The following ROBO1 variants were observed in gnomAD, a reference collection of about 807,000 sequenced individuals.
ROBO1 encodes the protein roundabout homolog 1.
ROBO1 carries 149 observed loss-of-function variants against 195.9 expected under a neutral mutation model. The observed-to-expected ratio is 0.76, with a 90% confidence interval of 0.67 to 0.87. The LOEUF (loss-of-function observed/expected upper bound fraction) is 0.87. ROBO1 is among the 40% of genes least tolerant of loss of function. The pLI, the probability that ROBO1 is intolerant of heterozygous loss-of-function variation, is 0.00. For synonymous variants in ROBO1, 816 were observed against 733.2 expected, an observed-to-expected ratio of 1.11 and a Z score of -1.82; for missense variants, 1,933 against 2,068.3, an observed-to-expected ratio of 0.93 and a Z score of 1.27.
chr3:78,725,006 G>A (rs2082129821), intron 5 of ROBO1, among the ~76,000 whole-genome samples: 1 of 152,124 alleles, frequency 6.6e-6, no homozygotes, highest in Admixed American at 6.6e-5. Flanking sequence ...TGAACTGCTG[G>A]AGCACTATTC....
intron 25 of ROBO1, 141 bp from the exon 26 acceptor site, chr3:78,627,710 T>A (rs1349034418): frequency 2.1e-6 from 2 of 933,634 alleles, no homozygotes; most frequent in Non-Finnish European, 3.1e-6. Flanking sequence ...TTGAAAAAGG[T>A]TTTACCTCAC....
chr3:79,421,685 A>G (rs1242356105), intron 2 of ROBO1, among the ~76,000 whole-genome samples: 2 of 152,164 alleles, frequency 1.3e-5, no homozygotes, highest in African/African-American at 4.8e-5. Flanking sequence ...AAATGAGGGT[A>G]ACAATACTAT....
rs574223813 is a variant in ROBO1, at chr3:78,741,345, C to G, written c.657+5398G>C. ...AGAAACTGTGCTAATTTATAACAAA[C>G]TTACTTTTTTGCTGAGATAAAAATA... is the stretch of plus-strand genomic sequence containing the variant. On this transcript the variant is annotated intron_variant, in intron 5 of 30. Transcript: ENST00000464233. Among the ~76,000 whole-genome samples the G allele has an allele frequency of 5.9e-5, 9 of 152,212 alleles. No homozygotes were observed. In the South Asian group the frequency reaches 1.9e-3, roughly 32 times the overall value.
chr3:79,498,447 C>T (rs1939867941), intron 2 of ROBO1, among the ~76,000 whole-genome samples: 1 of 152,156 alleles, frequency 6.6e-6, no homozygotes, highest in South Asian at 2.1e-4. Flanking sequence ...TTTTACAATA[C>T]CTAATTTAAG....
chr3:79,296,843 C>T (rs2032621790), intron 2 of ROBO1, among the ~76,000 whole-genome samples: 1 of 152,150 alleles, frequency 6.6e-6, no homozygotes, highest in African/African-American at 2.4e-5. Flanking sequence ...TGTTATTCCC[C>T]ATCTTTTGTA....
chr3:78,724,513 TAAAAAAAA>T (rs138643700), intron 5 of ROBO1, among the ~76,000 whole-genome samples: 1 of 89,650 alleles, frequency 1.1e-5, no homozygotes, highest in Admixed American at 1.2e-4. Flanking sequence ...CCATCTCTAC[TAAAAAAAA>T]AAAAAAAAAA....
rs184642064 is a variant in ROBO1, at chr3:79,717,078, C to A, written c.-51+50674G>T. On this transcript the variant is annotated intron_variant, in intron 1 of 30. Coordinates refer to ENST00000464233, the MANE Select transcript of ROBO1 (RefSeq NM_002941.4). ...ACTAATAACAAAGCAGAAAAGAAAG[C>A]AAGTTATGGATTTTGATTCCTCTTA... is the stretch of plus-strand genomic sequence containing the variant. Among the ~76,000 whole-genome samples, 664 of 151,984 alleles carry A rather than the reference C, an allele frequency of 4.4e-3. 8 individuals are homozygous for A. The highest frequency in any genetic ancestry group is 0.015 in the African/African-American group (637 of 41,524).
intron 2 of ROBO1, among the ~76,000 whole-genome samples, chr3:79,325,289 A>C (rs1042081471): frequency 2.6e-5 from 4 of 152,230 alleles, no homozygotes; most frequent in African/African-American, 9.6e-5. Context: ...TAGTAAATCC[A>C]ATAGGAAGCC....
At chr3:78,758,093 C>A (rs1428924623) in intron 4 of ROBO1, among the ~76,000 whole-genome samples, 1 of 152,232 alleles carries the variant, frequency 6.6e-6, no homozygotes, top group East Asian at 1.9e-4. Flanking sequence ...TTAAGACCTC[C>A]TCTGGATGAT....
At chr3:79,460,867 C>T (rs1057006942) in intron 2 of ROBO1, among the ~76,000 whole-genome samples, 2 of 152,128 alleles carry the variant, frequency 1.3e-5, no homozygotes, top group African/African-American at 4.8e-5. Flanking sequence ...CCTGCCTCAA[C>T]CTCCCGAGTA....
intron 3 of ROBO1, among the ~76,000 whole-genome samples, chr3:79,031,746 G>A (rs753278374): frequency 4.6e-5 from 7 of 152,054 alleles, no homozygotes; most frequent in Non-Finnish European, 7.4e-5. Flanking sequence ...TGATTTCATC[G>A]TGAAAAAGAA....
intron 3 of ROBO1, among the ~76,000 whole-genome samples, chr3:79,081,477 T>G (rs984554182): frequency 8.5e-5 from 13 of 152,164 alleles, no homozygotes; most frequent in African/African-American, 2.9e-4. Context: ...AATACCGAGC[T>G]TTGTCTGTTC....
At chr3:79,762,943 A>T (rs1026960101) in intron 1 of ROBO1, among the ~76,000 whole-genome samples, 2 of 152,112 alleles carry the variant, frequency 1.3e-5, no homozygotes, top group Admixed American at 1.3e-4. Context: ...GATCATAGGG[A>T]ATGAGGCAGA....
rs374419806 is a variant in ROBO1, at chr3:78,609,330, T to C, written c.4436-2289A>G. Among the ~76,000 whole-genome samples the C allele has an allele frequency of 3.3e-5, 5 of 152,308 alleles. No homozygotes were observed. The East Asian group carries it at 9.6e-4, about 29-fold the overall frequency. The stretch of plus-strand genomic sequence containing the variant: ...GGTAATGGGCTTGAATGGTTTTCTA[T>C]AGATCATTCCTGAAGTTGTTTATAA... On this transcript the variant is annotated intron_variant, in intron 28 of 30. Coordinates refer to ENST00000464233, the MANE Select transcript of ROBO1 (RefSeq NM_002941.4).
intron 2 of ROBO1, among the ~76,000 whole-genome samples, chr3:79,445,543 A>G: frequency 7.5e-6 from 1 of 133,726 alleles, no homozygotes. Context: ...TCTGTCATCC[A>G]GGCTGGAGTG....
intron 1 of ROBO1, among the ~76,000 whole-genome samples, chr3:79,662,701 C>T (rs1434115613): frequency 6.6e-6 from 1 of 152,052 alleles, no homozygotes; most frequent in East Asian, 1.9e-4. Context: ...CTCAAATTCC[C>T]AGTGGACCCC....
At chr3:79,509,222 A>G (rs1034420875) in intron 2 of ROBO1, among the ~76,000 whole-genome samples, 3 of 152,014 alleles carry the variant, frequency 2.0e-5, no homozygotes, top group African/African-American at 7.2e-5. Context: ...ATATTCTGGG[A>G]TTATAGCTGG....
chr3:79,369,343 T>C (rs189889019), intron 2 of ROBO1, among the ~76,000 whole-genome samples: 1 of 152,226 alleles, frequency 6.6e-6, no homozygotes, highest in African/African-American at 2.4e-5. Flanking sequence ...ATAAGTTCCA[T>C]GTGTAAAATC....
chr3:78,990,530 T>C (rs547257854), intron 3 of ROBO1, among the ~76,000 whole-genome samples: 57 of 152,318 alleles, frequency 3.7e-4, no homozygotes, highest in African/African-American at 1.3e-3. Flanking sequence ...TTTCAATATA[T>C]ACTTATTGAA....
Sources: gnomAD v4.1 joint callset for allele counts (sites outside exome capture counted in the v4.1 genomes callset) on GRCh38, gnomAD v4.1.1 for gene constraint, MANE v1.5 for transcripts, NCBI Gene and HGNC (gene_info 2026-07-23, HGNC 2026-07-21) for gene names.